The following NKD1 variants were observed in gnomAD, a reference collection of about 807,000 sequenced individuals.
NKD1 encodes protein naked cuticle homolog 1.
NKD1 carries 21 observed loss-of-function variants against 56.0 expected under a neutral mutation model. The ratio of observed to expected loss-of-function variants is 0.38; its 90% CI spans 0.27 to 0.54. The LOEUF is 0.54. Among genes scored for constraint, NKD1 ranks in the 20% least tolerant of loss-of-function variants. The pLI is 0.82. For missense variants in NKD1, 578 were observed against 642.7 expected, an observed-to-expected ratio of 0.90 and a Z score of 1.09; for synonymous variants, 263 against 265.7, an observed-to-expected ratio of 0.99 and a Z score of 0.10.
intron 6 of NKD1, 89 bp from the exon 7 acceptor site, chr16:50,630,097 G>A: frequency 3.1e-6 from 4 of 1,283,990 alleles, no homozygotes; most frequent in Non-Finnish European, 4.4e-6. Flanking sequence ...AGGGGTTCAG[G>A]CCTGCAGCGT....
intron 3 of NKD1, among the ~76,000 whole-genome samples, chr16:50,600,757 C>T (rs9930788): frequency 0.073 from 11,150 of 152,080 alleles, 613 homozygotes; most frequent in African/African-American, 0.15. Flanking sequence ...AGTACCCTGT[C>T]GGGTCTCAGG....
intron 8 of NKD1, among the ~76,000 whole-genome samples, chr16:50,631,877 G>A (rs1031185192): frequency 1.3e-5 from 2 of 152,374 alleles, no homozygotes; most frequent in African/African-American, 4.8e-5. Flanking sequence ...AGTTTAAGGG[G>A]ATTCTGCTGC....
intron 1 of NKD1, 38 bp downstream of exon 1, chr16:50,548,616 CCGCCGT>C: frequency 1.4e-6 from 2 of 1,444,358 alleles, no homozygotes; most frequent in Non-Finnish European, 1.8e-6. Context: ...CCGGGCCCCG[CCGCCGT>C]CGCCGCCGCG....
intron 2 of NKD1, 83 bp downstream of exon 2, chr16:50,548,832 T>G: frequency 7.7e-7 from 1 of 1,302,942 alleles, no homozygotes. Context: ...CCGCCAGGTC[T>G]TATGACCAGG....
chr16:50,603,683 CAG>C (rs1320345821), intron 3 of NKD1, among the ~76,000 whole-genome samples: 2 of 152,244 alleles, frequency 1.3e-5, no homozygotes, highest in Non-Finnish European at 2.9e-5. Flanking sequence ...GTCTCAAAGA[CAG>C]AGGAAAAACC....
rs1159493938 is a variant in NKD1, at chr16:50,623,813, T to G, written c.367-1672T>G. On this transcript the variant is annotated intron_variant, in intron 5 of 9. Transcript: ENST00000268459. This position sits in a 1 kb window ranked among gnomAD's most constrained non-coding sequence, Gnocchi z 4.1. ...GTGCACGTATAGGGGTATACCTGTG[T>G]AGGTATGCGTGTGTGTAGGTACGTG... Among the ~76,000 whole-genome samples the G allele has an allele frequency of 6.6e-6, 1 of 150,910 alleles. No individual in the cohort carries two copies. The highest frequency in any genetic ancestry group is 1.5e-5 in the Non-Finnish European group (1 of 67,740).
At chr16:50,574,381 G>T in intron 3 of NKD1, 2 of 985,406 alleles carry the variant, frequency 2.0e-6, no homozygotes, top group Non-Finnish European at 2.4e-6. Context: ...AAAGGATGCT[G>T]GGCCTCACTG....
intron 6 of NKD1, among the ~76,000 whole-genome samples, chr16:50,628,016 G>A (rs1389466337): frequency 6.6e-6 from 1 of 152,160 alleles, no homozygotes; most frequent in Non-Finnish European, 1.5e-5. Flanking sequence ...GGAGGCACAA[G>A]GAGAGTCCTC....
chr16:50,633,824 C>G lies in NKD1; in HGVS notation c.*43C>G. The G allele has an allele frequency of 1.1e-6, 1 of 899,486 alleles. No homozygotes were observed. The highest frequency in any genetic ancestry group is 1.6e-6 in the Non-Finnish European group (1 of 607,146). 55.7% of individuals were successfully genotyped at this position (899,486 alleles called of 1,614,324 possible). ...CCACCCTGCCATATGAAGGACCCCA[C>G]CCCCGACACCACAAGGCATTATTAT... is the stretch of plus-strand genomic sequence containing the variant. On this transcript the variant is annotated 3_prime_UTR_variant, in exon 10 of 10. Coordinates refer to ENST00000268459, the MANE Select transcript of NKD1 (RefSeq NM_033119.5). The surrounding 1 kb of genome is among the most constrained non-coding windows in gnomAD (Gnocchi z 4.9).
Position 50,633,589 on chromosome 16 carries a change from G to A in NKD1, c.1221G>A (p.Lys407=). Residue 407 remains lysine (K), a synonymous_variant, in exon 10 of 10, where the codon AAG becomes AAA. Coordinates refer to ENST00000268459, the MANE Select transcript of NKD1 (RefSeq NM_033119.5). The surrounding 1 kb of genome is among the most constrained non-coding windows in gnomAD (Gnocchi z 4.9). ...ACAAGAAGCACAAGCACCGAGCCAA[G>A]GAGAGCCAGCAGGGCTGCCGGGGCC... ...LGHKKHKHRA[K]ESQQGCRGLQ... is the part of the protein sequence containing the mutation. The A allele has an allele frequency of 6.2e-7, 1 of 1,611,566 alleles. No homozygotes were observed. Among genetic ancestry groups the A allele is most frequent in the Non-Finnish European group, 8.5e-7 (1 of 1,179,526 alleles).
chr16:50,583,976 T>C (rs1002473802), intron 3 of NKD1, among the ~76,000 whole-genome samples: 4 of 152,246 alleles, frequency 2.6e-5, no homozygotes, highest in Non-Finnish European at 5.9e-5. Flanking sequence ...GCAGTTATTT[T>C]CTTGTGTCAA....
In NKD1 at chr16:50,568,793, GC is replaced by G. The variant is rs575813134; in HGVS notation, c.192+19245del. Among the ~76,000 whole-genome samples, 361 of 152,102 alleles carry G rather than the reference GC, an allele frequency of 2.4e-3. 3 individuals are homozygous for G. Among genetic ancestry groups the G allele is most frequent in the African/African-American group, 8.1e-3 (336 of 41,488 alleles). ...GGGAAACAGATTGGCTTGAAATTCT[GC>G]CCCCCCAGAGGATGGGACTGACCTT... On this transcript the variant is annotated intron_variant, in intron 3 of 9. Transcript: ENST00000268459.
At chr16:50,586,873 G>A (rs921237605) in intron 3 of NKD1, among the ~76,000 whole-genome samples, 2 of 152,212 alleles carry the variant, frequency 1.3e-5, no homozygotes, top group South Asian at 2.1e-4. Context: ...TGTGTCATTA[G>A]TCCTGCTCTG....
chr16:50,591,735 G>A (rs886951514), intron 3 of NKD1, among the ~76,000 whole-genome samples: 4 of 152,246 alleles, frequency 2.6e-5, no homozygotes, highest in Admixed American at 1.3e-4. Flanking sequence ...ATTGAAGCAC[G>A]GAGCCAGTGA....
At chr16:50,587,853 G>A (rs554551481) in intron 3 of NKD1, among the ~76,000 whole-genome samples, 3 of 152,184 alleles carry the variant, frequency 2.0e-5, no homozygotes, top group South Asian at 2.1e-4. Context: ...AAACCCTATC[G>A]TGAACTGTGC....
intron 3 of NKD1, among the ~76,000 whole-genome samples, chr16:50,573,563 A>G (rs561218797): frequency 4.1e-4 from 62 of 152,298 alleles, no homozygotes; most frequent in African/African-American, 1.4e-3. Context: ...TGGGTTCTGC[A>G]TCTTGGCTCA....
At chr16:50,615,647 C>T (rs1219672203) in intron 4 of NKD1, among the ~76,000 whole-genome samples, 1 of 152,108 alleles carries the variant, frequency 6.6e-6, no homozygotes, top group Non-Finnish European at 1.5e-5. Context: ...GTCGTGGAAG[C>T]CTTTGGACCC....
Position 50,633,517 on chromosome 16 carries a change from C to T in NKD1, c.1149C>T (p.His383=). 6.2e-7 allele frequency: 1 copy of T among 1,610,988 alleles called. No homozygotes were observed. The highest frequency in any genetic ancestry group is 8.5e-7 in the Non-Finnish European group (1 of 1,179,012). The change falls in exon 10 of 10, where the codon CAC becomes CAT. Residue 383 remains histidine (H), a synonymous_variant. Coordinates refer to ENST00000268459, the MANE Select transcript of NKD1 (RefSeq NM_033119.5). This position sits in a 1 kb window ranked among gnomAD's most constrained non-coding sequence, Gnocchi z 4.9. ...PAIPAVSPSA[H]LAASPALLPS... ...TCCCTGCGGTGTCCCCCTCCGCCCA[C>T]CTGGCTGCCAGCCCGGCCCTCCTCC... is the stretch of plus-strand genomic sequence containing the variant.
chr16:50,600,536 T>G (rs1471686955), intron 3 of NKD1, among the ~76,000 whole-genome samples: 5 of 152,056 alleles, frequency 3.3e-5, no homozygotes, highest in Admixed American at 1.3e-4. Flanking sequence ...ATGGCAAGAC[T>G]AGGTTAAAAA....
Sources: gnomAD v4.1 joint callset for allele counts (sites outside exome capture counted in the v4.1 genomes callset) on GRCh38, gnomAD v4.1.1 for gene constraint, Gnocchi (gnomAD v3.1) non-coding constraint, MANE v1.5 for transcripts, NCBI Gene and HGNC (gene_info 2026-07-23, HGNC 2026-07-21) for gene names.